Variants in CD63 observed in about 807,000 individuals in gnomAD.
CD63 encodes the protein CD63 molecule.
Under a neutral mutation model 29.2 loss-of-function variants are expected in CD63, and 16 were observed. That is an observed-to-expected ratio of 0.55 (90% CI 0.37 to 0.83). CD63 has a LOEUF of 0.83. CD63 is among the 40% of genes least tolerant of loss of function. The pLI, the probability that CD63 is intolerant of heterozygous loss-of-function variation, is 0.00. For synonymous variants in CD63, 118 were observed against 111.7 expected (o/e 1.06, Z -0.36); for missense variants, 251 against 297.3 (o/e 0.84, Z 1.15).
At chr12:55,727,591 C>T in intron 2 of CD63, 1 of 1,278,870 alleles carries the variant, frequency 7.8e-7, no homozygotes, top group Non-Finnish European at 9.9e-7. Flanking sequence ...AAGCCTTGAC[C>T]TCAAGACACG....
chr12:55,726,853 C>T (rs748299215), intron 4 of CD63, 37 bp downstream of exon 4: 40 of 1,609,342 alleles, frequency 2.5e-5, no homozygotes, highest in Non-Finnish European at 3.3e-5. Flanking sequence ...GTCCCAGACC[C>T]GGCTGAGGCA....
Position 55,728,581 on chromosome 12 carries a change from A to T in CD63, c.-11-229T>A, listed in dbSNP as rs968508482. On this transcript the variant is annotated intron_variant, in intron 1 of 7. Coordinates refer to ENST00000257857, the MANE Select transcript of CD63 (RefSeq NM_001780.6). The surrounding 1 kb of genome is among the most constrained non-coding windows in gnomAD (Gnocchi z 4.8). ...CCCCGCCCCGCCGCCTCTGGGGCCC[A>T]GGACAGATCCAAGGGCGCCGGCAGG... 7.2e-7 allele frequency: 1 copy of T among 1,395,120 alleles called. No individual in the cohort carries two copies. Among genetic ancestry groups the T allele is most frequent in the African/African-American group, 1.5e-5 (1 of 68,006 alleles). The allele number at this position is 1,395,120 out of a possible 1,614,324, so 86.4% of individuals were successfully genotyped here. A position where few individuals can be genotyped will look rare whatever the true frequency, so the allele number is the denominator to read the frequency against.
At position 55,727,337 on chromosome 12, in the gene CD63, G is replaced by A; in HGVS notation, c.69C>T (p.Ala23=). The A allele has an allele frequency of 1.2e-6, 2 of 1,610,996 alleles. No individual in the cohort carries two copies. The highest frequency in any genetic ancestry group is 1.7e-6 in the Non-Finnish European group (2 of 1,178,082). ...LLYVLLLAFC[A]CAVGLIAVGV... is the part of the protein sequence containing the mutation. ...CCACGGCAATCAGTCCCACTGCACAGGCCTAAGAGAAAATCAGGTGAGGAT... is the reference window on the plus strand; with the variant it reads ...CCACGGCAATCAGTCCCACTGCACAAGCCTAAGAGAAAATCAGGTGAGGAT... The change falls in exon 3 of 8, where the codon GCC becomes GCT. Residue 23 remains alanine (A), a splice_region_variant and synonymous_variant. Transcript: ENST00000257857.
chr12:55,727,582 A>C, intron 2 of CD63: 1 of 1,292,858 alleles, frequency 7.7e-7, no homozygotes, highest in Non-Finnish European at 9.8e-7. Flanking sequence ...CCTCCCAGAA[A>C]GCCTTGACCT....
At chr12:55,725,721 A>G in intron 7 of CD63, 92 bp downstream of exon 7, 7 of 1,516,476 alleles carry the variant, frequency 4.6e-6, no homozygotes, top group Non-Finnish European at 6.4e-6. Flanking sequence ...CTCCCAGGCC[A>G]GTACCTCCTG....
rs1310030450 is a variant in CD63, at chr12:55,726,116, C to T, written c.567+5G>A. The T allele has an allele frequency of 6.2e-7, 1 of 1,613,888 alleles. No homozygotes were observed. Among genetic ancestry groups the T allele is most frequent in the Non-Finnish European group, 8.5e-7 (1 of 1,179,972 alleles). ...CCCAAGTCCCATACACAGTCTCCTCCCTACCTCCTTATGGATCGCCTTCTC... is the reference window on the plus strand; with the variant it reads ...CCCAAGTCCCATACACAGTCTCCTCTCTACCTCCTTATGGATCGCCTTCTC... On this transcript the variant is annotated splice_donor_5th_base_variant and intron_variant, in intron 6 of 7. Coordinates refer to ENST00000257857, the MANE Select transcript of CD63 (RefSeq NM_001780.6).
At position 55,726,218 on chromosome 12, in the gene CD63, A is replaced by C. The variant is rs537109445; in HGVS notation, c.470T>G (p.Ile157Ser). The change falls in exon 6 of 8, where the codon ATC (isoleucine) becomes AGC (serine). Residue 157 changes from isoleucine to serine, a missense_variant. Ile to Ser is a moderately radical substitution (Grantham distance 142). Coordinates refer to ENST00000257857, the MANE Select transcript of CD63 (RefSeq NM_001780.6). The stretch of plus-strand genomic sequence containing the variant: ...GACTCGGTTCTTCGACATGGAAGGG[A>C]TTTTCTCCCAATCTGTGTAGTTAGC... ...GAANYTDWEK[I>S]PSMSKNRVPD... 3 of 1,611,786 alleles carry C rather than the reference A, an allele frequency of 1.9e-6. No individual in the cohort carries two copies. Among genetic ancestry groups the C allele is most frequent in the Non-Finnish European group, 2.5e-6 (3 of 1,179,182 alleles).
In CD63 at chr12:55,726,205, C is replaced by T. The variant is rs972922308; in HGVS notation, c.483G>A (p.Ser161=). Residue 161 remains serine, a synonymous_variant, in exon 6 of 8, where the codon TCG becomes TCA. Transcript: ENST00000257857. ...AGCAGGAGTCGGGGACTCGGTTCTT[C>T]GACATGGAAGGGATTTTCTCCCAAT... ...YTDWEKIPSM[S]KNRVPDSCCI... is the part of the protein sequence containing the mutation. 5.6e-6 allele frequency: 9 copies of T among 1,613,776 alleles called. No individual in the cohort carries two copies. The highest frequency in any genetic ancestry group is 1.3e-5 in the African/African-American group (1 of 74,802).
intron 3 of CD63, 39 bp downstream of exon 3, chr12:55,727,112 A>ATGTTG: frequency 6.3e-7 from 1 of 1,587,102 alleles, no homozygotes; most frequent in Non-Finnish European, 8.6e-7. Context: ...CTGCTCTGGC[A>ATGTTG]GTCCCAGACC....
chr12:55,723,949 T>C (rs1877062660), downstream of CD63: 1 of 1,614,142 alleles, frequency 6.2e-7, no homozygotes, highest in South Asian at 1.1e-5. Flanking sequence ...TCCGAACCCC[T>C]GTGACCAACC....
Position 55,726,189 on chromosome 12 carries a change from C to T in CD63, c.499G>A (p.Asp167Asn), listed in dbSNP as rs773718478. 9 of 1,613,808 alleles carry T rather than the reference C, an allele frequency of 5.6e-6. No individual in the cohort carries two copies. In the South Asian group the frequency reaches 7.7e-5, roughly 14 times the overall value. ...IPSMSKNRVPDSCCINVTVGC... is the reference protein window; with the variant it reads ...IPSMSKNRVPNSCCINVTVGC... The stretch of plus-strand genomic sequence containing the variant: ...ACAGTAACATTAATGCAGCAGGAGT[C>T]GGGGACTCGGTTCTTCGACATGGAA... The change falls in exon 6 of 8, where the codon GAC (aspartate) becomes AAC (asparagine). Residue 167 changes from aspartate to asparagine, a missense_variant. Coordinates refer to ENST00000257857, the MANE Select transcript of CD63 (RefSeq NM_001780.6).
At chr12:55,726,405 CT>C in intron 5 of CD63, 144 bp from the exon 6 acceptor site, 2 of 755,244 alleles carry the variant, frequency 2.6e-6, no homozygotes, top group South Asian at 3.8e-5. Context: ...CCAGCGGTGG[CT>C]CAATCTCGGC....
Position 55,727,344 on chromosome 12 carries a change from G to T in CD63, c.67-5C>A, listed in dbSNP as rs765784784. 1 of 1,610,180 alleles carries T rather than the reference G, an allele frequency of 6.2e-7. No individual in the cohort carries two copies. The highest frequency in any genetic ancestry group is 2.2e-5 in the East Asian group (1 of 44,800). On this transcript the variant is annotated splice_polypyrimidine_tract_variant and splice_region_variant and intron_variant, in intron 2 of 7. Transcript: ENST00000257857. ...AATCAGTCCCACTGCACAGGCCTAAGAGAAAATCAGGTGAGGATTAGGCCA... is the reference window on the plus strand; with the variant it reads ...AATCAGTCCCACTGCACAGGCCTAATAGAAAATCAGGTGAGGATTAGGCCA...
Position 55,726,801 on chromosome 12 carries a change from A to G in CD63, c.331-6T>C, listed in dbSNP as rs753628696. ...TTATTAAACTCTGACATCACCTGAG[A>G]GTACGGAGGAGCACTGTTGCAGTCA... On this transcript the variant is annotated splice_region_variant and splice_polypyrimidine_tract_variant and intron_variant, in intron 4 of 7. Coordinates refer to ENST00000257857, the MANE Select transcript of CD63 (RefSeq NM_001780.6). 4 of 1,611,516 alleles carry G rather than the reference A, an allele frequency of 2.5e-6. No homozygotes were observed. The highest frequency in any genetic ancestry group is 1.7e-6 in the Non-Finnish European group (2 of 1,177,556).
intron 7 of CD63, 62 bp downstream of exon 7, chr12:55,725,751 C>T: frequency 6.4e-7 from 1 of 1,561,138 alleles, no homozygotes. Flanking sequence ...CTCCTCCCCT[C>T]AGCCCCTTCC....
chr12:55,724,546 A>G (rs758798237), downstream of CD63: 1 of 1,609,698 alleles, frequency 6.2e-7, no homozygotes, highest in African/African-American at 1.3e-5. Flanking sequence ...AGTCTACTGA[A>G]TCCAGCCTTC....
At chr12:55,727,972 G>T in intron 2 of CD63, 1 of 1,213,730 alleles carries the variant, frequency 8.2e-7, no homozygotes. Context: ...CATGGCGATA[G>T]CATCAGGCGG....
At chr12:55,727,529 C>T (rs1877548832) in intron 2 of CD63, 190 bp from the exon 3 acceptor site, 1 of 1,252,634 alleles carries the variant, frequency 8.0e-7, no homozygotes, top group South Asian at 2.1e-5. Flanking sequence ...CTCCCCTGAT[C>T]CCCTCCCGGC....
chr12:55,728,207 C>T lies in CD63; in HGVS notation c.66+69G>A, dbSNP rs1877624153. 1 of 1,358,432 alleles carries T rather than the reference C, an allele frequency of 7.4e-7. No individual in the cohort carries two copies. Among genetic ancestry groups the T allele is most frequent in the Non-Finnish European group, 1.0e-6 (1 of 965,148 alleles). 84.1% of individuals were successfully genotyped at this position (1,358,432 alleles called of 1,614,324 possible). A position where few individuals can be genotyped will look rare whatever the true frequency, so the allele number is the denominator to read the frequency against. ...CTGCCTTAATTCTCATTCCCTCAGC[C>T]CTCACCACTGTGGAGCCAGGTCTCC... On this transcript the variant is annotated intron_variant, in intron 2 of 7. Transcript: ENST00000257857. This position sits in a 1 kb window ranked among gnomAD's most constrained non-coding sequence, Gnocchi z 4.8.
Sources: gnomAD v4.1 joint callset for allele counts on GRCh38, gnomAD v4.1.1 for gene constraint, Gnocchi (gnomAD v3.1) non-coding constraint, MANE v1.5 for transcripts, NCBI Gene and HGNC (gene_info 2026-07-23, HGNC 2026-07-21) for gene names.